The following GSAP variants were observed in gnomAD, a reference collection of about 807,000 sequenced individuals.
GSAP encodes gamma-secretase-activating protein.
Under a neutral mutation model 131.7 loss-of-function variants are expected in GSAP, and 118 were observed. The ratio of observed to expected loss-of-function variants is 0.90; its 90% CI spans 0.77 to 1.04. GSAP has a LOEUF of 1.04. GSAP is among the 50% of genes least tolerant of loss of function. GSAP has a pLI of 0.00. For synonymous variants in GSAP, 381 were observed against 363.4 expected (o/e 1.05, Z -0.55); for missense variants, 1,019 against 1,013.2 (o/e 1.01, Z -0.08).
chr7:77,384,146 G>A (rs1798199194), intron 6 of GSAP, among the ~76,000 whole-genome samples: 1 of 152,212 alleles, frequency 6.6e-6, no homozygotes, highest in African/African-American at 2.4e-5. Context: ...TATAGGATGG[G>A]AGAACAAATG....
chr7:77,387,274 A>C (rs970257146), intron 6 of GSAP, 86 bp downstream of exon 6: 3 of 738,700 alleles, frequency 4.1e-6, no homozygotes, highest in East Asian at 5.0e-5. Context: ...AATATGATAG[A>C]GTGAAAGTAC....
intron 22 of GSAP, chr7:77,327,197 A>G (rs1788442969): frequency 6.6e-6 from 1 of 152,240 alleles, no homozygotes; most frequent in African/African-American, 2.4e-5. Context: ...GAAAGGGAAG[A>G]GTTTCCTAAA....
intron 12 of GSAP, among the ~76,000 whole-genome samples, chr7:77,372,896 A>G (rs1465315546): frequency 6.6e-6 from 1 of 152,204 alleles, no homozygotes; most frequent in Non-Finnish European, 1.5e-5. Context: ...TAGTTCATAC[A>G]TATCCTTCAA....
chr7:77,383,098 G>A (rs140409687), intron 6 of GSAP, among the ~76,000 whole-genome samples: 1 of 152,056 alleles, frequency 6.6e-6, no homozygotes, highest in African/African-American at 2.4e-5. Context: ...GAAGTGGGAG[G>A]ATCACTTGAA....
Position 77,397,166 on chromosome 7 carries a change from G to C in GSAP, c.314-131C>G, listed in dbSNP as rs574548953. The C allele has an allele frequency of 1.0e-5, 7 of 697,592 alleles. No individual in the cohort carries two copies. In the African/African-American group the frequency reaches 1.3e-4, roughly 13 times the overall value. The allele number at this position is 697,592 out of a possible 1,614,324, so 43.2% of individuals were successfully genotyped here. A position where few individuals can be genotyped will look rare whatever the true frequency, so the allele number is the denominator to read the frequency against. ...ACGGAAGATAAGGGCAGAACACAAAGCATTCTTTTTTGTAGGTATATCCTC... is the reference window on the plus strand; with the variant it reads ...ACGGAAGATAAGGGCAGAACACAAACCATTCTTTTTTGTAGGTATATCCTC... On this transcript the variant is annotated intron_variant, in intron 4 of 30. Transcript: ENST00000257626.
intron 6 of GSAP, among the ~76,000 whole-genome samples, chr7:77,386,657 G>T (rs895611323): frequency 5.3e-5 from 8 of 152,256 alleles, no homozygotes; most frequent in Middle Eastern, 3.4e-3. Flanking sequence ...GTGCCTCAGC[G>T]CTATTCCTGG....
At chr7:77,329,883 C>T in intron 20 of GSAP, 1 of 171,582 alleles carries the variant, frequency 5.8e-6, no homozygotes, top group Admixed American at 6.3e-5. Context: ...CACTATTCTC[C>T]CTCCAACTAC....
chr7:77,332,959 G>C (rs1789383697), intron 19 of GSAP, among the ~76,000 whole-genome samples: 2 of 152,172 alleles, frequency 1.3e-5, no homozygotes, highest in African/African-American at 4.8e-5. Flanking sequence ...ACAAGGTCAA[G>C]AGATCAAGAC....
intron 19 of GSAP, among the ~76,000 whole-genome samples, chr7:77,341,770 C>T (rs922376215): frequency 2.6e-5 from 4 of 152,196 alleles, no homozygotes; most frequent in Non-Finnish European, 5.9e-5. Context: ...AACCCCATAA[C>T]AGGACTTAAC....
rs149081616 is a variant in GSAP at position 77,344,817 on chromosome 7, C to A, written c.1545+4534G>T. Among the ~76,000 whole-genome samples, 1,024 of 152,292 alleles carry A rather than the reference C, an allele frequency of 6.7e-3. 13 individuals are homozygous for A. Among genetic ancestry groups the A allele is most frequent in the African/African-American group, 0.023 (943 of 41,540 alleles). ...CTCTACCTCTCCCCAGCTATCTCCA[C>A]CACACTGCCAATCTCACTCTCACCT... On this transcript the variant is annotated intron_variant, in intron 19 of 30. Coordinates refer to ENST00000257626, the MANE Select transcript of GSAP (RefSeq NM_017439.4).
At chr7:77,379,270 GT>G (rs1449190997) in intron 8 of GSAP, among the ~76,000 whole-genome samples, 2 of 151,876 alleles carry the variant, frequency 1.3e-5, no homozygotes, top group Non-Finnish European at 2.9e-5. Context: ...ACCTCTGTGA[GT>G]CTTGGTTGCT....
chr7:77,357,932 G>A (rs1793996258), intron 14 of GSAP, among the ~76,000 whole-genome samples: 1 of 152,214 alleles, frequency 6.6e-6, no homozygotes, highest in Non-Finnish European at 1.5e-5. Context: ...TACAGGATAT[G>A]CTAACTAGCC....
chr7:77,405,519 A>T (rs1802105579), intron 2 of GSAP, among the ~76,000 whole-genome samples: 1 of 151,650 alleles, frequency 6.6e-6, no homozygotes, highest in Non-Finnish European at 1.5e-5. Context: ...TAAAATGAAG[A>T]AACATTTAAT....
At chr7:77,395,975 C>G (rs1385595418) in intron 5 of GSAP, among the ~76,000 whole-genome samples, 4 of 152,208 alleles carry the variant, frequency 2.6e-5, no homozygotes, top group Non-Finnish European at 5.9e-5. Flanking sequence ...CTCCAGCCCA[C>G]AGGTGGTTAT....
In GSAP at chr7:77,360,878, A is replaced by C. The variant is rs1794433217; in HGVS notation, c.973T>G (p.Ser325Ala). ...ATGTGTGACCCAACATTCTCAAGAG[A>C]AGTGGTGAAGGTCTTGCTGTGTCCT... ...HKGHSKTFTT[S>A]LENVGSHMTK... is the part of the protein sequence containing the mutation. Residue 325 changes from serine (S) to alanine (A), a missense_variant, in exon 14 of 31, where the codon TCT (serine) becomes GCT (alanine). Transcript: ENST00000257626. The C allele has an allele frequency of 6.2e-7, 1 of 1,602,340 alleles. No homozygotes were observed. Among genetic ancestry groups the C allele is most frequent in the African/African-American group, 1.3e-5 (1 of 74,514 alleles).
intron 1 of GSAP, among the ~76,000 whole-genome samples, chr7:77,414,332 T>C (rs1338537865): frequency 1.3e-5 from 2 of 152,218 alleles, no homozygotes; most frequent in African/African-American, 2.4e-5. Flanking sequence ...TGAGACAGAA[T>C]CCCAGATTTC....
chr7:77,357,617 G>A (rs537374964), intron 14 of GSAP, among the ~76,000 whole-genome samples: 1 of 152,276 alleles, frequency 6.6e-6, no homozygotes, highest in East Asian at 1.9e-4. Flanking sequence ...ACTAATAACA[G>A]CTGATAGCTA....
At chr7:77,334,605 A>AAAAAAAAAAAT (rs1789684663) in intron 19 of GSAP, among the ~76,000 whole-genome samples, 1 of 149,772 alleles carries the variant, frequency 6.7e-6, no homozygotes, top group African/African-American at 2.4e-5. Context: ...AAAAAAAAAA[A>AAAAAAAAAAAT]AGATGAACCT....
intron 16 of GSAP, among the ~76,000 whole-genome samples, chr7:77,354,565 T>A (rs1173788644): frequency 6.6e-6 from 1 of 152,182 alleles, no homozygotes. Context: ...CTTTTATGCA[T>A]GAAAAATGAT....
Sources: allele counts gnomAD v4.1 joint callset (sites outside exome capture counted in the v4.1 genomes callset), GRCh38; gene constraint gnomAD v4.1.1; transcripts MANE v1.5; gene names NCBI Gene and HGNC (gene_info 2026-07-23, HGNC 2026-07-21).